Variants in TENM4 observed in about 807,000 individuals in gnomAD.
TENM4 encodes the protein teneurin-4.
Under a neutral mutation model 243.3 loss-of-function variants are expected in TENM4, and 82 were observed. The observed-to-expected ratio is 0.34, with a 90% CI of 0.28 to 0.40. The LOEUF (loss-of-function observed/expected upper bound fraction) is 0.40, where lower values mean the gene tolerates loss of function less well. TENM4 is among the 10% of genes least tolerant of loss of function. The pLI is 1.00. For missense variants in TENM4, 3,138 were observed against 3,673.3 expected (o/e 0.85, Z 3.77); for synonymous variants, 1,412 against 1,456.3 (o/e 0.97, Z 0.69).
intron 30 of TENM4, among the ~76,000 whole-genome samples, chr11:78,673,707 T>A (rs898528592): frequency 6.6e-6 from 1 of 152,214 alleles, no homozygotes; most frequent in African/African-American, 2.4e-5. Context: ...AGGTACTGAA[T>A]AGATGGTTGG....
At chr11:79,211,081 G>A (rs111727697) in intron 3 of TENM4, among the ~76,000 whole-genome samples, 185 of 152,266 alleles carry the variant, frequency 1.2e-3, no homozygotes, top group African/African-American at 4.0e-3. Context: ...AGGGTTCTGG[G>A]TGAGGTGGGG....
At chr11:79,013,476 G>A (rs2136763614) in intron 6 of TENM4, among the ~76,000 whole-genome samples, 1 of 152,314 alleles carries the variant, frequency 6.6e-6, no homozygotes, top group Non-Finnish European at 1.5e-5. Context: ...TCTCTGGGCA[G>A]GCACCAGGCC....
intron 3 of TENM4, among the ~76,000 whole-genome samples, chr11:79,175,663 G>A (rs772425828): frequency 2.6e-5 from 4 of 152,000 alleles, no homozygotes; most frequent in African/African-American, 4.8e-5. Flanking sequence ...AGAGCTCAAC[G>A]GTATTTATTT....
intron 6 of TENM4, among the ~76,000 whole-genome samples, chr11:78,969,022 A>G (rs1219117354): frequency 1.3e-5 from 2 of 152,200 alleles, no homozygotes; most frequent in Non-Finnish European, 2.9e-5. Context: ...CTCCTTAGAA[A>G]AAAAGGAGTA....
At chr11:79,068,951 A>T (rs1312111986) in intron 5 of TENM4, among the ~76,000 whole-genome samples, 1 of 152,208 alleles carries the variant, frequency 6.6e-6, no homozygotes, top group African/African-American at 2.4e-5. Context: ...CCCAAGCTTC[A>T]TCTGGCTGCA....
At chr11:79,029,902 G>A (rs1369002090) in intron 6 of TENM4, among the ~76,000 whole-genome samples, 2 of 152,124 alleles carry the variant, frequency 1.3e-5, no homozygotes, top group African/African-American at 2.4e-5. Context: ...CATATCACCT[G>A]ACAATGAACT....
chr11:79,279,607 C>T (rs533396358), intron 2 of TENM4, among the ~76,000 whole-genome samples: 7 of 152,230 alleles, frequency 4.6e-5, no homozygotes, highest in African/African-American at 1.7e-4. Flanking sequence ...CCTGTCTTCC[C>T]ACCTCATGTC....
intron 6 of TENM4, among the ~76,000 whole-genome samples, chr11:79,012,161 C>G (rs1388062816): frequency 6.6e-6 from 1 of 152,178 alleles, no homozygotes; most frequent in African/African-American, 2.4e-5. Context: ...TGAATTTGAT[C>G]AGCACAATTT....
intron 1 of TENM4, among the ~76,000 whole-genome samples, chr11:79,397,229 G>C (rs1233266246): frequency 6.6e-6 from 1 of 152,182 alleles, no homozygotes; most frequent in Non-Finnish European, 1.5e-5. Flanking sequence ...ACCAGGCAGT[G>C]TTCTCATTGA....
chr11:78,889,351 T>A (rs1591102833), intron 9 of TENM4, among the ~76,000 whole-genome samples: 1 of 152,258 alleles, frequency 6.6e-6, no homozygotes, highest in African/African-American at 2.4e-5. Context: ...CCCAGGGTGC[T>A]CCACCTCCTT....
chr11:78,985,069 G>A (rs1019368916), intron 6 of TENM4, among the ~76,000 whole-genome samples: 3 of 152,108 alleles, frequency 2.0e-5, no homozygotes, highest in African/African-American at 7.2e-5. Context: ...TTCCTCATCT[G>A]TAAAATGGGG....
chr11:79,327,630 C>A (rs1856994863), intron 1 of TENM4, among the ~76,000 whole-genome samples: 1 of 145,986 alleles, frequency 6.8e-6, no homozygotes, highest in Non-Finnish European at 1.5e-5. Context: ...CGAGATAAAG[C>A]AGAGTCAGAA....
intron 18 of TENM4, among the ~76,000 whole-genome samples, chr11:78,763,931 C>CAAGTCCTCTGCTGGCCACGTGGCCCTTT (rs148929990): frequency 4.6e-5 from 7 of 152,002 alleles, no homozygotes; most frequent in Non-Finnish European, 7.4e-5. Flanking sequence ...AGACATAGGC[C>CAAGTCCTCTGCTGGCCACGTGGCCCTTT]AAGTGAACAA....
chr11:79,211,474 A>G (rs891837447), intron 3 of TENM4, among the ~76,000 whole-genome samples: 2 of 152,174 alleles, frequency 1.3e-5, no homozygotes, highest in African/African-American at 4.8e-5. Flanking sequence ...GGTCAAAACT[A>G]TTTATAACAA....
chr11:78,961,697 A>G (rs1343851705), intron 6 of TENM4, among the ~76,000 whole-genome samples: 1 of 151,896 alleles, frequency 6.6e-6, no homozygotes, highest in East Asian at 1.9e-4. Context: ...ACACTAAAAT[A>G]CTGAGTCTCT....
At position 79,440,297 on chromosome 11, in the gene TENM4, A is replaced by G. The variant is rs1369311978; in HGVS notation, c.-321+212T>C. 6.7e-6 allele frequency among the ~76,000 whole-genome samples: 1 copy of G among 149,034 alleles called. No individual in the cohort carries two copies. The highest frequency in any genetic ancestry group is 1.5e-5 in the Non-Finnish European group (1 of 67,180). ...GGGCTCCGGGGGCTGCGGCGGCTCC[A>G]GGCTCCAGAACAGCTTGCCTCTTCG... On this transcript the variant is annotated intron_variant, in intron 1 of 33. Coordinates refer to ENST00000278550, the MANE Select transcript of TENM4 (RefSeq NM_001098816.3). This position sits in a 1 kb window ranked among gnomAD's most constrained non-coding sequence, Gnocchi z 4.7.
intron 1 of TENM4, among the ~76,000 whole-genome samples, chr11:79,372,780 T>C (rs1857812636): frequency 6.6e-6 from 1 of 152,122 alleles, no homozygotes. Context: ...AAATATCAGG[T>C]TCTACATTAC....
At chr11:78,912,786 T>C (rs985892249) in intron 6 of TENM4, among the ~76,000 whole-genome samples, 1 of 152,214 alleles carries the variant, frequency 6.6e-6, no homozygotes, top group Admixed American at 6.5e-5. Context: ...GTCATGGTAA[T>C]TCATAGACAA....
At chr11:78,863,758 T>C (rs74971255) in intron 9 of TENM4, among the ~76,000 whole-genome samples, 232 of 152,336 alleles carry the variant, frequency 1.5e-3, no homozygotes, top group African/African-American at 5.3e-3. Context: ...ACAAAATCTA[T>C]GGAGGGCAAT....
Sources: gnomAD v4.1 joint callset for allele counts (sites outside exome capture counted in the v4.1 genomes callset) on GRCh38, gnomAD v4.1.1 for gene constraint, Gnocchi (gnomAD v3.1) non-coding constraint, MANE v1.5 for transcripts, NCBI Gene and HGNC (gene_info 2026-07-23, HGNC 2026-07-21) for gene names.